The following LDAH variants were observed in gnomAD, a reference collection of about 807,000 sequenced individuals.
The protein encoded by LDAH is lipid droplet associated hydrolase.
In LDAH, 26 loss-of-function variants were observed where a neutral mutation model predicts 29.6. The ratio of observed to expected loss-of-function variants is 0.88; its 90% CI spans 0.64 to 1.22. LDAH has a LOEUF of 1.22. LDAH is among the 50% of genes most tolerant of loss of function. The probability of loss-of-function intolerance (pLI) is 0.00; values close to 1 mark genes in which losing one functional copy is unlikely to be tolerated. For missense variants in LDAH, 344 were observed against 387.3 expected, an observed-to-expected ratio of 0.89 and a Z score of 0.94; for synonymous variants, 117 against 133.0, an observed-to-expected ratio of 0.88 and a Z score of 0.83.
rs200848967 is a variant in LDAH, at chr2:20,756,889, AC to A, written c.469-16685del. 9.3e-3 allele frequency among the ~76,000 whole-genome samples: 1,410 copies of A among 152,342 alleles called. 19 individuals carry two copies. The highest frequency in any genetic ancestry group is 0.032 in the African/African-American group (1,337 of 41,572). Reference sequence around the variant, plus strand: ...CTGACAATAAAGTGAATATTCTAAAACTTTCCAGAGGAAGAAAACAGTTCAC... The same window carrying A: ...CTGACAATAAAGTGAATATTCTAAAATTTCCAGAGGAAGAAAACAGTTCAC... On this transcript the variant is annotated intron_variant, in intron 4 of 6. Transcript: ENST00000237822.
chr2:20,705,682 T>C (rs1475090712), intron 5 of LDAH, among the ~76,000 whole-genome samples: 1 of 152,192 alleles, frequency 6.6e-6, no homozygotes, highest in Non-Finnish European at 1.5e-5. Context: ...TGAAAAAGAA[T>C]AAATGATCAA....
intron 6 of LDAH, among the ~76,000 whole-genome samples, chr2:20,699,894 T>C (rs1015163195): frequency 2.0e-5 from 3 of 152,228 alleles, no homozygotes; most frequent in African/African-American, 7.2e-5. Context: ...CACCTTTCTT[T>C]GACCTTTTTC....
chr2:20,728,489 C>G (rs1666171189), intron 5 of LDAH, among the ~76,000 whole-genome samples: 1 of 152,062 alleles, frequency 6.6e-6, no homozygotes, highest in East Asian at 1.9e-4. Context: ...AGTATAAACT[C>G]TAGCAGAGCC....
At chr2:20,789,717 G>A (rs918208324) in intron 3 of LDAH, among the ~76,000 whole-genome samples, 16 of 152,190 alleles carry the variant, frequency 1.1e-4, no homozygotes, top group South Asian at 8.3e-4. Flanking sequence ...GAAGGTGTGC[G>A]ACGGGCGAGT....
chr2:20,719,934 ACT>A (rs1558409667), intron 5 of LDAH, among the ~76,000 whole-genome samples: 1 of 152,016 alleles, frequency 6.6e-6, no homozygotes, highest in Non-Finnish European at 1.5e-5. Context: ...CATAATAAAA[ACT>A]CTCAACAAAC....
intron 6 of LDAH, among the ~76,000 whole-genome samples, chr2:20,699,923 TG>T (rs766019756): frequency 2.6e-5 from 4 of 152,194 alleles, no homozygotes; most frequent in Non-Finnish European, 5.9e-5. Context: ...ACACACAAGC[TG>T]AATCCAGAAA....
intron 2 of LDAH, among the ~76,000 whole-genome samples, chr2:20,791,381 A>C (rs1267577266): frequency 6.6e-6 from 1 of 152,236 alleles, no homozygotes; most frequent in Non-Finnish European, 1.5e-5. Flanking sequence ...TAAGTGAATC[A>C]ATGTACAAAG....
rs184001624 is a variant in LDAH, at chr2:20,735,375, T to C, written c.703+4596A>G. Among the ~76,000 whole-genome samples the C allele has an allele frequency of 2.9e-3, 437 of 152,298 alleles. 3 individuals are homozygous for C. The highest frequency in any genetic ancestry group is 3.4e-3 in the Middle Eastern group (1 of 294). Reference sequence around the variant, plus strand: ...AATCTAATCTCATATTCACTGATTCTTTCCTCTTTGTCTCCTCATTTTATT... The same window carrying C: ...AATCTAATCTCATATTCACTGATTCCTTCCTCTTTGTCTCCTCATTTTATT... On this transcript the variant is annotated intron_variant, in intron 5 of 6. Transcript: ENST00000237822.
chr2:20,789,129 T>G (rs545844764), intron 3 of LDAH: 19 of 1,550,296 alleles, frequency 1.2e-5, no homozygotes, highest in Non-Finnish European at 9.6e-6. Context: ...AATCCAAATT[T>G]TATTCAATTG....
At chr2:20,747,914 A>C (rs1297019517) in intron 4 of LDAH, among the ~76,000 whole-genome samples, 1 of 152,224 alleles carries the variant, frequency 6.6e-6, no homozygotes, top group Non-Finnish European at 1.5e-5. Context: ...TATGAATTAA[A>C]GCAGGATGAT....
At chr2:20,782,538 T>C (rs1670267929) in intron 3 of LDAH, among the ~76,000 whole-genome samples, 2 of 152,226 alleles carry the variant, frequency 1.3e-5, no homozygotes, top group Admixed American at 6.5e-5. Context: ...CTTTAACAGA[T>C]ACAGTCTATT....
At chr2:20,822,759 A>C (rs1572710797) in intron 1 of LDAH, among the ~76,000 whole-genome samples, 2 of 151,626 alleles carry the variant, frequency 1.3e-5, no homozygotes, top group South Asian at 4.2e-4. Flanking sequence ...GCACCATAAG[A>C]CTCCCTACAG....
intron 5 of LDAH, among the ~76,000 whole-genome samples, chr2:20,708,113 T>C (rs901709618): frequency 2.6e-5 from 4 of 152,236 alleles, no homozygotes; most frequent in Non-Finnish European, 5.9e-5. Flanking sequence ...AATTATTTCA[T>C]TATATATTAA....
At chr2:20,701,680 A>G (rs1412509238) in intron 5 of LDAH, 28 bp from the exon 6 acceptor site, 2 of 1,562,488 alleles carry the variant, frequency 1.3e-6, no homozygotes, top group South Asian at 2.2e-5. Context: ...AAAGTCAAAC[A>G]TTTAGAATAT....
At chr2:20,811,700 G>A (rs1036298019) in intron 1 of LDAH, among the ~76,000 whole-genome samples, 2 of 151,652 alleles carry the variant, frequency 1.3e-5, no homozygotes, top group East Asian at 3.9e-4. Context: ...TAGCCAGGAC[G>A]GTCTCGATCT....
Position 20,790,313 on chromosome 2 carries a change from G to A in LDAH, c.240C>T (p.Ile80=). The A allele has an allele frequency of 6.2e-7, 1 of 1,614,088 alleles. No homozygotes were observed. The highest frequency in any genetic ancestry group is 8.5e-7 in the Non-Finnish European group (1 of 1,179,918). ...GAGCCAACGCATGCCCAGCATGACT[G>A]ATAGTCCAAACTGGAAAGCGTCTGT... ...LTNRRFPVWT[I]SHAGHALAPK... Residue 80 remains isoleucine (I), a synonymous_variant, in exon 3 of 7, where the codon ATC becomes ATT. Coordinates refer to ENST00000237822, the MANE Select transcript of LDAH (RefSeq NM_021925.4).
chr2:20,755,268 T>C (rs1668265674), intron 4 of LDAH, among the ~76,000 whole-genome samples: 1 of 151,408 alleles, frequency 6.6e-6, no homozygotes, highest in African/African-American at 2.4e-5. Flanking sequence ...ACAACTCTTC[T>C]CTAAGTTTGA....
At chr2:20,695,290 C>A (rs1282243822) in intron 6 of LDAH, among the ~76,000 whole-genome samples, 2 of 152,158 alleles carry the variant, frequency 1.3e-5, no homozygotes, top group Non-Finnish European at 2.9e-5. Flanking sequence ...ATCACTAATA[C>A]CTTTCATTAA....
chr2:20,710,549 AT>A (rs1664639265), intron 5 of LDAH, among the ~76,000 whole-genome samples: 1 of 149,662 alleles, frequency 6.7e-6, no homozygotes, highest in Non-Finnish European at 1.5e-5. Flanking sequence ...AGAAATGACT[AT>A]ATATATGACT....
Sources: allele counts gnomAD v4.1 joint callset (sites outside exome capture counted in the v4.1 genomes callset), GRCh38; gene constraint gnomAD v4.1.1; transcripts MANE v1.5; gene names NCBI Gene and HGNC (gene_info 2026-07-23, HGNC 2026-07-21).